The following BMPR1B variants were observed in gnomAD, a reference collection of about 807,000 sequenced individuals.
BMPR1B encodes bone morphogenetic protein receptor type 1B.
A neutral mutation model predicts 59.1 loss-of-function variants in BMPR1B; 12 were observed. The ratio of observed to expected loss-of-function variants is 0.20; its 90% CI spans 0.13 to 0.33. BMPR1B has a LOEUF of 0.33. Among genes scored for constraint, BMPR1B ranks in the 10% least tolerant of loss-of-function variants. The pLI is 1.00. For missense variants in BMPR1B, 550 were observed against 610.9 expected (o/e 0.90, Z 1.05); for synonymous variants, 237 against 207.3 (o/e 1.14, Z -1.23).
At chr4:94,936,509 G>A (rs1022215012) in intron 2 of BMPR1B, among the ~76,000 whole-genome samples, 1 of 152,088 alleles carries the variant, frequency 6.6e-6, no homozygotes, top group Non-Finnish European at 1.5e-5. Context: ...GTTGTTGGGG[G>A]TGAGGGGAGT....
intron 1 of BMPR1B, among the ~76,000 whole-genome samples, chr4:94,831,233 T>TAAAAAAAA (rs34088781): frequency 1.1e-5 from 1 of 88,546 alleles, no homozygotes; most frequent in African/African-American, 3.6e-5. Context: ...GTTTAAAAAG[T>TAAAAAAAA]AAAAAAAAAA....
intron 1 of BMPR1B, among the ~76,000 whole-genome samples, chr4:94,842,313 A>G (rs1359814736): frequency 4.6e-5 from 7 of 152,202 alleles, no homozygotes; most frequent in Non-Finnish European, 5.9e-5. Flanking sequence ...TCTTAAAAAA[A>G]TCTTAACGTA....
At chr4:94,986,282 A>G (rs1237032873) in intron 2 of BMPR1B, among the ~76,000 whole-genome samples, 1 of 152,106 alleles carries the variant, frequency 6.6e-6, no homozygotes, top group Non-Finnish European at 1.5e-5. Flanking sequence ...GCTCAATTGC[A>G]CCTCTGTTCT....
chr4:95,104,690 C>G, intron 4 of BMPR1B, 123 bp downstream of exon 4: 1 of 1,219,348 alleles, frequency 8.2e-7, no homozygotes, highest in East Asian at 2.4e-5. Flanking sequence ...CTATCGTAAA[C>G]TCTTAGAGCT....
At chr4:94,893,602 C>G (rs1451415678) in intron 2 of BMPR1B, among the ~76,000 whole-genome samples, 1 of 151,906 alleles carries the variant, frequency 6.6e-6, no homozygotes, top group Non-Finnish European at 1.5e-5. Context: ...AATTGGCTTT[C>G]TCTAATCAGT....
chr4:94,901,608 T>G (rs552944612), intron 2 of BMPR1B, among the ~76,000 whole-genome samples: 34 of 152,116 alleles, frequency 2.2e-4, no homozygotes, highest in Middle Eastern at 3.4e-3. Context: ...TTCAAAAGCT[T>G]GTCTATAACC....
chr4:95,017,615 A>G (rs1723671488), intron 3 of BMPR1B, among the ~76,000 whole-genome samples: 1 of 152,340 alleles, frequency 6.6e-6, no homozygotes, highest in East Asian at 1.9e-4. Flanking sequence ...GGCACTTAGC[A>G]TCAGTATTTC....
rs141189574 is a variant in BMPR1B at position 95,019,992 on chromosome 4, A to C, written c.-18+23858A>C. Among the ~76,000 whole-genome samples, 685 of 152,298 alleles carry C rather than the reference A, an allele frequency of 4.5e-3. 4 individuals carry two copies. Among genetic ancestry groups the C allele is most frequent in the African/African-American group, 0.016 (659 of 41,580 alleles). On this transcript the variant is annotated intron_variant, in intron 3 of 12. Coordinates refer to ENST00000515059, the MANE Select transcript of BMPR1B (RefSeq NM_001203.3). ...GAAGAGAATAGTGTAAATTTATACA[A>C]GCTTGGGTGTTATGCACCTTATAGT...
At chr4:94,894,519 T>A (rs570555831) in intron 2 of BMPR1B, among the ~76,000 whole-genome samples, 1 of 152,036 alleles carries the variant, frequency 6.6e-6, no homozygotes, top group South Asian at 2.1e-4. Context: ...CTCAGGGCAA[T>A]GTTGTGATAT....
intron 2 of BMPR1B, among the ~76,000 whole-genome samples, chr4:94,976,503 A>G (rs1731038777): frequency 1.3e-5 from 2 of 152,150 alleles, no homozygotes; most frequent in African/African-American, 2.4e-5. Flanking sequence ...CCTACATGCA[A>G]AATACACTCA....
intron 10 of BMPR1B, among the ~76,000 whole-genome samples, chr4:95,144,057 G>T: frequency 6.6e-6 from 1 of 151,478 alleles, no homozygotes; most frequent in East Asian, 1.9e-4. Flanking sequence ...TAGGCTAGAA[G>T]AACAGAACCC....
At chr4:94,894,930 T>C (rs1727530125) in intron 2 of BMPR1B, among the ~76,000 whole-genome samples, 1 of 151,970 alleles carries the variant, frequency 6.6e-6, no homozygotes, top group Admixed American at 6.6e-5. Flanking sequence ...TTTAAATTCA[T>C]GATGAAACTA....
At chr4:95,004,316 C>T (rs1722667278) in intron 3 of BMPR1B, among the ~76,000 whole-genome samples, 1 of 152,122 alleles carries the variant, frequency 6.6e-6, no homozygotes, top group South Asian at 2.1e-4. Flanking sequence ...TTTGTTGATA[C>T]ATTGGTATGT....
At chr4:95,000,245 T>A (rs1411981208) in intron 3 of BMPR1B, among the ~76,000 whole-genome samples, 1 of 12,904 alleles carries the variant, frequency 7.7e-5, no homozygotes, top group East Asian at 8.7e-4. Context: ...AACCTTGAAT[T>A]GTATCTCTGT....
intron 2 of BMPR1B, among the ~76,000 whole-genome samples, chr4:94,957,565 T>C (rs1188628282): frequency 6.6e-6 from 1 of 152,026 alleles, no homozygotes; most frequent in Non-Finnish European, 1.5e-5. Context: ...CACTGCAACT[T>C]TAGGTAAGAA....
intron 1 of BMPR1B, among the ~76,000 whole-genome samples, chr4:94,763,633 A>G (rs895668387): frequency 1.3e-5 from 2 of 152,204 alleles, no homozygotes; most frequent in Admixed American, 6.5e-5. Flanking sequence ...TGAGATAAAC[A>G]TTTTAGTCAT....
At chr4:94,820,165 T>C (rs985216429) in intron 1 of BMPR1B, among the ~76,000 whole-genome samples, 3 of 152,186 alleles carry the variant, frequency 2.0e-5, no homozygotes, top group Non-Finnish European at 2.9e-5. Context: ...CCCCATTATG[T>C]ACCTGTGGAA....
chr4:94,954,876 G>C (rs1297069475), intron 2 of BMPR1B, among the ~76,000 whole-genome samples: 2 of 152,070 alleles, frequency 1.3e-5, no homozygotes, highest in Non-Finnish European at 2.9e-5. Flanking sequence ...TATTTAACAT[G>C]ATGCTAAATG....
At chr4:95,150,977 G>A (rs1010655532) in intron 11 of BMPR1B, among the ~76,000 whole-genome samples, 13 of 152,074 alleles carry the variant, frequency 8.5e-5, no homozygotes, top group South Asian at 4.1e-4. Context: ...CTCAATAAGC[G>A]ATTTTATTTT....
Sources: gnomAD v4.1 joint callset for allele counts (sites outside exome capture counted in the v4.1 genomes callset) on GRCh38, gnomAD v4.1.1 for gene constraint, MANE v1.5 for transcripts, NCBI Gene and HGNC (gene_info 2026-07-23, HGNC 2026-07-21) for gene names.